Variants in SEMA3D observed in about 807,000 individuals in gnomAD.
SEMA3D encodes the protein semaphorin-3D.
A neutral mutation model predicts 100.1 loss-of-function variants in SEMA3D; 84 were observed. That is an observed-to-expected ratio of 0.84 (90% CI 0.70 to 1.01). The LOEUF (loss-of-function observed/expected upper bound fraction) is 1.01. Ranked by LOEUF, SEMA3D falls within the 50% of genes least tolerant of loss-of-function variation. The pLI, the probability that SEMA3D is intolerant of heterozygous loss-of-function variation, is 0.00. For missense variants in SEMA3D, 875 were observed against 934.1 expected (o/e 0.94, Z 0.82); for synonymous variants, 312 against 320.7 (o/e 0.97, Z 0.29).
chr7:85,052,071 A>G (rs1446941564), intron 9 of SEMA3D, among the ~76,000 whole-genome samples: 1 of 151,954 alleles, frequency 6.6e-6, no homozygotes, highest in Non-Finnish European at 1.5e-5. Context: ...AAGAGCAGTA[A>G]TAAAGTGAGG....
chr7:85,069,257 T>C (rs1377763842), intron 6 of SEMA3D, among the ~76,000 whole-genome samples: 4 of 152,178 alleles, frequency 2.6e-5, no homozygotes, highest in African/African-American at 7.2e-5. Flanking sequence ...GAGAAAATTA[T>C]GTGTTATGTT....
chr7:85,040,353 T>C (rs2040954), intron 11 of SEMA3D, among the ~76,000 whole-genome samples: 51,423 of 151,706 alleles, frequency 0.34, 9,264 homozygotes, highest in African/African-American at 0.48. Context: ...ATGGGGAAGG[T>C]ATATGCACAA....
the SEMA3D span, among the ~76,000 whole-genome samples, chr7:85,250,224 C>T: frequency 5.1e-3 from 715 of 139,744 alleles, 5 homozygotes; most frequent in Middle Eastern, 0.032. Flanking sequence ...CCTACGTCCA[C>T]GGAGTCTTGC....
chr7:85,115,124 G>C (rs1329658841), intron 3 of SEMA3D, among the ~76,000 whole-genome samples: 1 of 152,168 alleles, frequency 6.6e-6, no homozygotes, highest in Non-Finnish European at 1.5e-5. Context: ...TCAAATATCA[G>C]CATGATGATT....
At chr7:85,176,896 T>C (rs920352247) in intron 1 of SEMA3D, among the ~76,000 whole-genome samples, 8 of 152,192 alleles carry the variant, frequency 5.3e-5, no homozygotes, top group African/African-American at 1.9e-4. Flanking sequence ...TATATCAAGG[T>C]GGTCCCAGAA....
At chr7:85,179,852 G>A (rs546518940) in intron 1 of SEMA3D, among the ~76,000 whole-genome samples, 4 of 152,062 alleles carry the variant, frequency 2.6e-5, no homozygotes, top group African/African-American at 7.2e-5. Context: ...TAGTAGAGAT[G>A]GGGTTTCACC....
chr7:85,059,288 T>C (rs1791410255), intron 8 of SEMA3D, among the ~76,000 whole-genome samples: 1 of 152,170 alleles, frequency 6.6e-6, no homozygotes, highest in African/African-American at 2.4e-5. Flanking sequence ...AGGTCAATAA[T>C]ATAGTTCTAT....
At chr7:85,150,719 C>T (rs941180511) in intron 2 of SEMA3D, among the ~76,000 whole-genome samples, 12 of 151,744 alleles carry the variant, frequency 7.9e-5, no homozygotes, top group East Asian at 3.9e-4. Context: ...TTATAGTCAT[C>T]GCAGCTTTTC....
chr7:85,108,612 G>A (rs1375321528), intron 3 of SEMA3D, among the ~76,000 whole-genome samples: 1 of 151,974 alleles, frequency 6.6e-6, no homozygotes, highest in Non-Finnish European at 1.5e-5. Flanking sequence ...ACCACACCTG[G>A]AGTAGAAAGG....
At chr7:85,106,727 G>A (rs1562820765) in intron 3 of SEMA3D, among the ~76,000 whole-genome samples, 1 of 152,024 alleles carries the variant, frequency 6.6e-6, no homozygotes, top group Admixed American at 6.6e-5. Context: ...TCACAGTTCC[G>A]TATGGCTGGG....
At chr7:85,013,370 A>G (rs1790009857) in intron 16 of SEMA3D, among the ~76,000 whole-genome samples, 1 of 151,810 alleles carries the variant, frequency 6.6e-6, no homozygotes, top group Non-Finnish European at 1.5e-5. Context: ...TCAGTGTGGT[A>G]TAAAAGACTA....
chr7:85,012,736 C>A lies in SEMA3D; in HGVS notation c.1768+46G>T, dbSNP rs1230654057. On this transcript the variant is annotated intron_variant, in intron 17 of 18. Transcript: ENST00000284136. ...ATAATAAAAAGATACAAAGAGTGGG[C>A]TTAGCATTTTAAATGGGAGAAAAAG... is the stretch of plus-strand genomic sequence containing the variant. The A allele has an allele frequency of 1.3e-5, 18 of 1,396,916 alleles. No individual in the cohort carries two copies. In the East Asian group the frequency reaches 4.1e-4, roughly 32 times the overall value. The allele number at this position is 1,396,916 out of a possible 1,614,324, so 86.5% of individuals were successfully genotyped here.
In SEMA3D at chr7:85,012,857, G is replaced by A; in HGVS notation, c.1704-11C>T. 1 of 1,607,352 alleles carries A rather than the reference G, an allele frequency of 6.2e-7. No individual in the cohort carries two copies. The highest frequency in any genetic ancestry group is 2.2e-5 in the East Asian group (1 of 44,692). On this transcript the variant is annotated splice_polypyrimidine_tract_variant and intron_variant, in intron 16 of 18. Transcript: ENST00000284136. ...TGGCGTCTAGCTCTCCTGCGGAAAG[G>A]GGATTAAACTTATTAGAACTTCAAG...
chr7:85,014,303 CA>C (rs1490574692), intron 16 of SEMA3D, among the ~76,000 whole-genome samples: 2 of 151,762 alleles, frequency 1.3e-5, no homozygotes, highest in Non-Finnish European at 2.9e-5. Context: ...CTATAATCAA[CA>C]TTTTAAAATA....
intron 13 of SEMA3D, among the ~76,000 whole-genome samples, chr7:85,021,555 T>C (rs1320375194): frequency 6.6e-6 from 1 of 151,836 alleles, no homozygotes; most frequent in African/African-American, 2.4e-5. Flanking sequence ...CTAACTTCTA[T>C]AAGATCCATA....
rs1338123035 is a variant in SEMA3D, at chr7:85,020,334, A to G, written c.1415-13T>C. On this transcript the variant is annotated splice_polypyrimidine_tract_variant and intron_variant, in intron 13 of 18. Coordinates refer to ENST00000284136, the MANE Select transcript of SEMA3D (RefSeq NM_001384900.1). ...ACAGTTCCAATGTCTGAAAAAATGC[A>G]TAACCCATGATCCCATTGTTTCTAT... 1 of 1,587,832 alleles carries G rather than the reference A, an allele frequency of 6.3e-7. No homozygotes were observed. The highest frequency in any genetic ancestry group is 8.6e-7 in the Non-Finnish European group (1 of 1,157,914).
intron 7 of SEMA3D, among the ~76,000 whole-genome samples, chr7:85,067,044 G>A (rs971574427): frequency 1.3e-5 from 2 of 151,704 alleles, no homozygotes; most frequent in Admixed American, 6.6e-5. Context: ...ATTTCATTGT[G>A]GGCATATTTT....
intron 17 of SEMA3D, among the ~76,000 whole-genome samples, chr7:85,010,084 G>A (rs535850557): frequency 6.6e-6 from 1 of 151,860 alleles, no homozygotes; most frequent in Non-Finnish European, 1.5e-5. Context: ...AAGATTAATT[G>A]ATATAAAAAG....
chr7:85,036,390 T>C (rs1353376581), intron 12 of SEMA3D, among the ~76,000 whole-genome samples: 1 of 152,094 alleles, frequency 6.6e-6, no homozygotes, highest in East Asian at 1.9e-4. Flanking sequence ...AAAATTCCTT[T>C]CCCATTTAAA....
Sources: allele counts gnomAD v4.1 joint callset (sites outside exome capture counted in the v4.1 genomes callset), GRCh38; gene constraint gnomAD v4.1.1; transcripts MANE v1.5; gene names NCBI Gene and HGNC (gene_info 2026-07-23, HGNC 2026-07-21).